The following SEC63 variants were observed in gnomAD, a reference collection of about 807,000 sequenced individuals.
The protein encoded by SEC63 is translocation protein SEC63 homolog.
SEC63 carries 56 observed loss-of-function variants against 116.2 expected under a neutral mutation model. The observed-to-expected ratio is 0.48, with a 90% CI of 0.39 to 0.60. SEC63 has a LOEUF of 0.60. SEC63 is among the 20% of genes least tolerant of loss of function. The pLI is 0.00. For missense variants in SEC63, 668 were observed against 900.0 expected (o/e 0.74, Z 3.30); for synonymous variants, 273 against 294.6 (o/e 0.93, Z 0.75).
rs770990522 is a variant in SEC63, at chr6:107,868,815, G to C, written c.*2889C>G. 3 of 152,076 alleles carry C rather than the reference G, an allele frequency of 2.0e-5. No individual in the cohort carries two copies. The highest frequency in any genetic ancestry group is 6.5e-5 in the Admixed American group (1 of 15,274). The allele number at this position is 152,076 out of a possible 1,614,324, so 9.4% of individuals were successfully genotyped here. A position where few individuals can be genotyped will look rare whatever the true frequency, so the allele number is the denominator to read the frequency against. On this transcript the variant is annotated 3_prime_UTR_variant, in exon 21 of 21. Coordinates refer to ENST00000369002, the MANE Select transcript of SEC63 (RefSeq NM_007214.5). ...GATAGCTCCAGTATCCAGTCACAGAGCCTGGCACATAGAAACTCAGTAAAT... is the reference window on the plus strand; with the variant it reads ...GATAGCTCCAGTATCCAGTCACAGACCCTGGCACATAGAAACTCAGTAAAT...
chr6:107,921,097 C>T (rs1787545817), intron 4 of SEC63, among the ~76,000 whole-genome samples: 2 of 151,482 alleles, frequency 1.3e-5, no homozygotes, highest in South Asian at 4.2e-4. Context: ...GAAAAAGACA[C>T]CAAAAATGAA....
rs914865441 is a variant in SEC63 at position 107,957,796 on chromosome 6, C to G, written c.124+90G>C. On this transcript the variant is annotated intron_variant, in intron 1 of 20. Transcript: ENST00000369002. ...ACCGTCCCTGTCATCCCGGACGCCG[C>G]GGGCTGGGGCCGGGCAAGCGGGCGC... 3.9e-6 allele frequency: 5 copies of G among 1,291,446 alleles called. No individual in the cohort carries two copies. In the African/African-American group the frequency reaches 7.9e-5, roughly 20 times the overall value. The allele number at this position is 1,291,446 out of a possible 1,614,324, so 80.0% of individuals were successfully genotyped here.
At chr6:107,950,308 C>G (rs751361955) in intron 1 of SEC63, among the ~76,000 whole-genome samples, 1 of 152,034 alleles carries the variant, frequency 6.6e-6, no homozygotes, top group African/African-American at 2.4e-5. Flanking sequence ...AAGAGAGAAA[C>G]AGACAGTGCT....
At chr6:107,881,355 A>G in intron 17 of SEC63, 105 bp from the exon 18 acceptor site, 1 of 767,428 alleles carries the variant, frequency 1.3e-6, no homozygotes, top group Non-Finnish European at 2.2e-6. Context: ...ACTTAGGATT[A>G]GAACAAGTTC....
At chr6:107,934,445 G>A (rs1225874956) in intron 1 of SEC63, among the ~76,000 whole-genome samples, 12 of 133,166 alleles carry the variant, frequency 9.0e-5, no homozygotes, top group Non-Finnish European at 1.3e-4. Flanking sequence ...GCCCGGCCGC[G>A]ACCCCGTCTG....
rs576026001 is a variant in SEC63, at chr6:107,895,849, C to T, written c.1440+1800G>A. 1.7e-4 allele frequency among the ~76,000 whole-genome samples: 20 copies of T among 119,544 alleles called. No homozygotes were observed. The East Asian group carries it at 4.1e-3, about 24-fold the overall frequency. 78.4% of individuals were successfully genotyped at this position (119,544 alleles called of 152,430 possible). ...ATCAGCTGGGCAGCCTACAGAGACC[C>T]GCACCTCTATTAAAAAAAAAAAAAA... On this transcript the variant is annotated intron_variant, in intron 14 of 20. Transcript: ENST00000369002.
rs762845789 is a variant in SEC63 at position 107,913,652 on chromosome 6, C to T, written c.453-225G>A. Among the ~76,000 whole-genome samples, 70 of 152,228 alleles carry T rather than the reference C, an allele frequency of 4.6e-4. 1 individual carries two copies. The highest frequency in any genetic ancestry group is 1.9e-4 in the Non-Finnish European group (13 of 68,018). ...CGTCTTGATACTAATTCCTGGTTGG[C>T]CCATGGTTCTCAAGCTTAACCAGTT... is the stretch of plus-strand genomic sequence containing the variant. On this transcript the variant is annotated intron_variant, in intron 4 of 20. Transcript: ENST00000369002.
intron 7 of SEC63, among the ~76,000 whole-genome samples, chr6:107,909,510 C>CT (rs1346059181): frequency 4.6e-5 from 7 of 152,076 alleles, no homozygotes; most frequent in African/African-American, 1.7e-4. Context: ...CTCTTTCTTG[C>CT]ATATTTCAAG....
intron 1 of SEC63, among the ~76,000 whole-genome samples, chr6:107,953,761 C>G (rs1419628762): frequency 1.4e-5 from 2 of 140,394 alleles, no homozygotes; most frequent in African/African-American, 5.3e-5. Context: ...TTCAGCCCCC[C>G]GCCCGGCCAG....
chr6:107,886,038 G>A (rs1421714982), intron 16 of SEC63, among the ~76,000 whole-genome samples: 1 of 152,112 alleles, frequency 6.6e-6, no homozygotes, highest in Non-Finnish European at 1.5e-5. Context: ...GCCCCGGTGT[G>A]TGATGTTCCC....
intron 1 of SEC63, among the ~76,000 whole-genome samples, chr6:107,939,367 TA>T (rs1239841583): frequency 6.6e-6 from 1 of 152,248 alleles, no homozygotes; most frequent in Non-Finnish European, 1.5e-5. Flanking sequence ...AAAACAGCTT[TA>T]CCTAAAGCTG....
intron 1 of SEC63, among the ~76,000 whole-genome samples, chr6:107,946,822 G>A (rs1169025652): frequency 1.3e-5 from 2 of 152,112 alleles, no homozygotes; most frequent in African/African-American, 2.4e-5. Context: ...TGGCCAACAT[G>A]GAAAAACCCC....
At chr6:107,922,260 T>G (rs1787575598) in intron 3 of SEC63, among the ~76,000 whole-genome samples, 1 of 152,208 alleles carries the variant, frequency 6.6e-6, no homozygotes, top group African/African-American at 2.4e-5. Flanking sequence ...ATCCCAGCAC[T>G]TTGGAAGCCA....
At chr6:107,913,305 G>T in intron 5 of SEC63, 61 bp downstream of exon 5, 1 of 1,042,216 alleles carries the variant, frequency 9.6e-7, no homozygotes, top group Non-Finnish European at 1.5e-6. Flanking sequence ...CCTTTAATCT[G>T]GTTAACATTT....
chr6:107,910,344 G>C (rs1468319298), intron 7 of SEC63, among the ~76,000 whole-genome samples: 2 of 152,094 alleles, frequency 1.3e-5, no homozygotes, highest in Admixed American at 1.3e-4. Flanking sequence ...GTACACACTT[G>C]TGGTCTTAGC....
At chr6:107,909,376 C>CAA (rs960279937) in intron 7 of SEC63, among the ~76,000 whole-genome samples, 6 of 63,624 alleles carry the variant, frequency 9.4e-5, no homozygotes, top group East Asian at 4.9e-4. Flanking sequence ...GACTCTGTCT[C>CAA]AAAAAAAAAA....
At chr6:107,919,070 C>T (rs1220956261) in intron 4 of SEC63, among the ~76,000 whole-genome samples, 1 of 152,026 alleles carries the variant, frequency 6.6e-6, no homozygotes, top group Non-Finnish European at 1.5e-5. Flanking sequence ...CCCACCACAC[C>T]CGGCTAAGTT....
chr6:107,893,759 A>G lies in SEC63; in HGVS notation c.1500+79T>C. On this transcript the variant is annotated intron_variant, in intron 15 of 20. Coordinates refer to ENST00000369002, the MANE Select transcript of SEC63 (RefSeq NM_007214.5). The stretch of plus-strand genomic sequence containing the variant: ...TAGCTAAACTGAATTACTCTCCCAG[A>G]GCAATATAAGTCAATTGGAAAAGTA... 1.9e-6 allele frequency: 3 copies of G among 1,594,664 alleles called. No homozygotes were observed. The South Asian group carries it at 3.3e-5, about 18-fold the overall frequency.
At position 107,874,942 on chromosome 6, in the gene SEC63, G is replaced by GT. The variant is rs1415956426; in HGVS notation, c.2034+1621dup. ...TTGAGGAAATCTGAATACAGACTGC[G>GT]TATTAGATAATTATGCCACATCAAT... On this transcript the variant is annotated intron_variant, in intron 19 of 20. Transcript: ENST00000369002. Among the ~76,000 whole-genome samples, 8 of 152,300 alleles carry GT rather than the reference G, an allele frequency of 5.3e-5. 1 individual carries two copies. The highest frequency in any genetic ancestry group is 1.9e-4 in the African/African-American group (8 of 41,558).
Sources: gnomAD v4.1 joint callset for allele counts (sites outside exome capture counted in the v4.1 genomes callset) on GRCh38, gnomAD v4.1.1 for gene constraint, MANE v1.5 for transcripts, NCBI Gene and HGNC (gene_info 2026-07-23, HGNC 2026-07-21) for gene names.